The following SCAF11 variants were observed in gnomAD, a reference collection of about 807,000 sequenced individuals.
SCAF11 encodes the protein SR-related CTD associated factor 11.
A neutral mutation model predicts 140.5 loss-of-function variants in SCAF11; 47 were observed. The ratio of observed to expected loss-of-function variants is 0.33; its 90% CI spans 0.26 to 0.43. SCAF11 has a LOEUF of 0.43. Ranked by LOEUF, SCAF11 falls within the 20% of genes least tolerant of loss-of-function variation. SCAF11 has a pLI of 1.00. For missense variants in SCAF11, 1,645 were observed against 1,705.1 expected (o/e 0.96, Z 0.62); for synonymous variants, 557 against 579.4 (o/e 0.96, Z 0.55).
At position 45,936,153 on chromosome 12, in the gene SCAF11, T is replaced by G. The variant is rs553278782; in HGVS notation, c.464-1648A>C. Among the ~76,000 whole-genome samples the G allele has an allele frequency of 2.0e-5, 3 of 152,186 alleles. No homozygotes were observed. The East Asian group carries it at 5.8e-4, about 29-fold the overall frequency. On this transcript the variant is annotated intron_variant, in intron 6 of 14. Coordinates refer to ENST00000369367, the MANE Select transcript of SCAF11 (RefSeq NM_004719.3). ...TCTATGTGTGGTTTTTTTTGTTTTT[T>G]TTTTTTGAAACAGAATCTCGCTTTG...
rs534875000 is a variant in SCAF11, at chr12:45,954,226, TTTTC to T, written c.220-2503_220-2500del. On this transcript the variant is annotated intron_variant, in intron 3 of 14. Transcript: ENST00000369367. ...AAATTGCATTTTTTCCTTTACAATT[TTTTC>T]TTTATTTTTTTTATTTTTTGAGACA... 1.6e-3 allele frequency among the ~76,000 whole-genome samples: 248 copies of T among 152,240 alleles called. 1 individual carries two copies. The highest frequency in any genetic ancestry group is 5.7e-3 in the African/African-American group (235 of 41,538).
rs780327905 is a variant in SCAF11 at position 45,922,601 on chromosome 12, A to G, written c.4126-19T>C. 3.2e-6 allele frequency: 5 copies of G among 1,570,534 alleles called. No homozygotes were observed. The highest frequency in any genetic ancestry group is 4.5e-5 in the East Asian group (2 of 43,962). On this transcript the variant is annotated intron_variant, in intron 13 of 14. Transcript: ENST00000369367. ...GCAATTTCTGATGAGAAGAAAATGT[A>G]TAATTTATTATTTGCCAGTCATACT...
intron 1 of SCAF11, among the ~76,000 whole-genome samples, chr12:45,978,973 G>A (rs1946294080): frequency 6.6e-6 from 1 of 151,852 alleles, no homozygotes; most frequent in Non-Finnish European, 1.5e-5. Flanking sequence ...AGTTGTGGAG[G>A]CTAAGAAGTC....
Position 45,948,777 on chromosome 12 carries a change from T to G in SCAF11, c.298-240A>C, listed in dbSNP as rs185357928. Among the ~76,000 whole-genome samples, 58 of 152,248 alleles carry G rather than the reference T, an allele frequency of 3.8e-4. No individual in the cohort carries two copies. The East Asian group carries it at 0.01, about 27-fold the overall frequency. On this transcript the variant is annotated intron_variant, in intron 4 of 14. Coordinates refer to ENST00000369367, the MANE Select transcript of SCAF11 (RefSeq NM_004719.3). ...ACAGATTAAGTGCTTATAACAGAGA[T>G]ATGAACACAGATTTGTATATACATA...
Position 45,961,705 on chromosome 12 carries a change from C to A in SCAF11, c.214G>T (p.Ala72Ser). 6.2e-6 allele frequency: 10 copies of A among 1,609,302 alleles called. No homozygotes were observed. The highest frequency in any genetic ancestry group is 8.5e-6 in the Non-Finnish European group (10 of 1,177,952). The change falls in exon 3 of 15, where the codon GCA becomes TCA. Residue 72 changes from alanine to serine, a missense_variant. Transcript: ENST00000369367. ...CATTAATGTGTCAGACTTACCTCTG[C>A]CCATTTAAGAATACAAGTCATACAG... The part of the protein sequence containing the change: ...VFCMTCILKW[A>S]ETLASCPIDR...
chr12:45,972,977 T>C (rs1194963996), intron 1 of SCAF11, among the ~76,000 whole-genome samples: 2 of 138,744 alleles, frequency 1.4e-5, no homozygotes, highest in Non-Finnish European at 3.0e-5. Context: ...TATAGATATA[T>C]AGATATATAG....
chr12:45,936,732 T>C (rs1026916028), intron 6 of SCAF11, among the ~76,000 whole-genome samples: 1 of 152,236 alleles, frequency 6.6e-6, no homozygotes, highest in Non-Finnish European at 1.5e-5. Flanking sequence ...TGTTTAATCT[T>C]TTCCTGAGTT....
intron 3 of SCAF11, among the ~76,000 whole-genome samples, chr12:45,952,942 A>G (rs1358959138): frequency 1.3e-5 from 2 of 152,232 alleles, no homozygotes; most frequent in Non-Finnish European, 2.9e-5. Flanking sequence ...TATACAAGTA[A>G]AAGTAGAGCA....
At chr12:45,958,174 G>A (rs1945743715) in intron 3 of SCAF11, among the ~76,000 whole-genome samples, 1 of 151,946 alleles carries the variant, frequency 6.6e-6, no homozygotes, top group Admixed American at 6.6e-5. Context: ...CAAAGTGCTG[G>A]GATTAGAGGC....
At chr12:45,948,877 A>G (rs1293838337) in intron 4 of SCAF11, among the ~76,000 whole-genome samples, 1 of 152,182 alleles carries the variant, frequency 6.6e-6, no homozygotes. Context: ...GTCTTAAAGG[A>G]TAGTTAGGAA....
intron 3 of SCAF11, among the ~76,000 whole-genome samples, chr12:45,954,414 T>C (rs1945627270): frequency 1.3e-5 from 2 of 151,978 alleles, no homozygotes; most frequent in Non-Finnish European, 2.9e-5. Context: ...TTTTTGTATT[T>C]TTCATAGAGA....
chr12:45,986,094 C>G (rs1946453839), intron 1 of SCAF11, among the ~76,000 whole-genome samples: 1 of 152,002 alleles, frequency 6.6e-6, no homozygotes, highest in South Asian at 2.1e-4. Flanking sequence ...GCCTTTTTTC[C>G]CCCAAGTTAT....
chr12:45,982,477 C>T (rs1406237407), intron 1 of SCAF11, among the ~76,000 whole-genome samples: 11 of 152,124 alleles, frequency 7.2e-5, no homozygotes, highest in South Asian at 2.1e-4. Context: ...GAGGCCAAGG[C>T]GGGCAGATCA....
At chr12:45,981,749 C>T (rs1020055022) in intron 1 of SCAF11, among the ~76,000 whole-genome samples, 1 of 152,072 alleles carries the variant, frequency 6.6e-6, no homozygotes, top group Non-Finnish European at 1.5e-5. Context: ...GAACTATGGC[C>T]ATCCCATAGC....
In SCAF11 at chr12:45,928,704, T is replaced by C; in HGVS notation, c.997A>G (p.Ser333Gly). The C allele has an allele frequency of 6.2e-7, 1 of 1,614,124 alleles. No homozygotes were observed. Among genetic ancestry groups the C allele is most frequent in the East Asian group, 2.2e-5 (1 of 44,884 alleles). Reference sequence around the variant, plus strand: ...GATATTGGGGATCTCTGAGACTGACTGGCTGTTTCAGCTCTTGTGTTACGT... The same window carrying C: ...GATATTGGGGATCTCTGAGACTGACCGGCTGTTTCAGCTCTTGTGTTACGT... ...STRNTRAETA[S>G]QSQRSPISDN... The change falls in exon 11 of 15, where the codon AGT becomes GGT. Residue 333 changes from serine (S) to glycine (G), a missense_variant. Ser to Gly is a moderately conservative substitution (Grantham distance 56, BLOSUM62 0). This residue lies in a region of SCAF11 where 1,582 missense variants were observed against 1,609.2 expected (regional missense o/e 0.98). Transcript: ENST00000369367.
In SCAF11 at chr12:45,965,681, T is replaced by C. The variant is rs779066225; in HGVS notation, c.-21-1493A>G. 8.5e-5 allele frequency among the ~76,000 whole-genome samples: 13 copies of C among 152,344 alleles called. No individual in the cohort carries two copies. The South Asian group carries it at 1.0e-3, about 12-fold the overall frequency. ...ATAATTGCAATGAAATGTCCAAATA[T>C]GCATTTATATCTACGCACAAGAAAT... On this transcript the variant is annotated intron_variant, in intron 1 of 14. Coordinates refer to ENST00000369367, the MANE Select transcript of SCAF11 (RefSeq NM_004719.3).
chr12:45,927,896 GT>G lies in SCAF11; in HGVS notation c.1804del (p.Thr602GlnfsTer5), dbSNP rs1369561311. ...ITEHKDFTLK[T>X]EELIESPKLE... ...CTTGGGGCTCTCTATAAGCTCCTCT[GT>G]TTTTAGTGTAAAATCTTTATGTTCA... is the stretch of plus-strand genomic sequence containing the variant. On this transcript the variant is annotated frameshift_variant, in exon 11 of 15. Transcript: ENST00000369367. LOFTEE classifies it high-confidence loss of function. 1 of 1,612,442 alleles carries G rather than the reference GT, an allele frequency of 6.2e-7. No individual in the cohort carries two copies. The highest frequency in any genetic ancestry group is 8.5e-7 in the Non-Finnish European group (1 of 1,179,626).
chr12:45,946,599 C>T (rs1258221133), intron 5 of SCAF11, among the ~76,000 whole-genome samples: 2 of 151,794 alleles, frequency 1.3e-5, no homozygotes, highest in Non-Finnish European at 2.9e-5. Flanking sequence ...ATGACCACTA[C>T]ACCCTTGGCA....
At chr12:45,924,660 C>T in intron 12 of SCAF11, 68 bp downstream of exon 12, 3 of 1,283,528 alleles carry the variant, frequency 2.3e-6, no homozygotes, top group Non-Finnish European at 3.2e-6. Flanking sequence ...TTTTTTTGAA[C>T]ATCTGTCATG....
Sources: allele counts gnomAD v4.1 joint callset (sites outside exome capture counted in the v4.1 genomes callset), GRCh38; gene constraint gnomAD v4.1.1; regional missense constraint gnomAD v4.1.1; transcripts MANE v1.5; gene names NCBI Gene and HGNC (gene_info 2026-07-23, HGNC 2026-07-21).